The following TRPM2 variants were observed in gnomAD, a reference collection of about 807,000 sequenced individuals.
TRPM2 encodes the protein estrogen-responsive element-associated gene 1 protein.
In TRPM2, 161 loss-of-function variants were observed where a neutral mutation model predicts 174.0. The ratio of observed to expected loss-of-function variants is 0.93; its 90% CI spans 0.81 to 1.05. TRPM2 has a LOEUF of 1.05. TRPM2 is among the 50% of genes least tolerant of loss of function. The probability of loss-of-function intolerance (pLI) is 0.00; values close to 1 mark genes in which losing one functional copy is unlikely to be tolerated. For synonymous variants in TRPM2, 954 were observed against 861.3 expected (o/e 1.11, Z -1.88); for missense variants, 2,057 against 2,038.0 (o/e 1.01, Z -0.18).
chr21:44,405,862 T>C, intron 17 of TRPM2, 43 bp from the exon 18 acceptor site: 1 of 1,588,474 alleles, frequency 6.3e-7, no homozygotes, highest in Non-Finnish European at 8.5e-7. Flanking sequence ...GGGGCTGCTG[T>C]GAGCAGGTGG....
At chr21:44,423,839 A>G (rs1286213710) in intron 23 of TRPM2, 107 bp downstream of exon 23, 1 of 953,774 alleles carries the variant, frequency 1.0e-6, no homozygotes, top group Non-Finnish European at 1.6e-6. Context: ...AGTGATGGTG[A>G]GGAGGAGGCC....
chr21:44,368,826 T>A (rs932676699), intron 4 of TRPM2, among the ~76,000 whole-genome samples: 10 of 152,040 alleles, frequency 6.6e-5, no homozygotes, highest in Admixed American at 6.6e-4. Flanking sequence ...AGGCTGAGTG[T>A]TGGGAGCGAG....
At position 44,401,719 on chromosome 21, in the gene TRPM2, G is replaced by C. The variant is rs147064850; in HGVS notation, c.2360G>C (p.Arg787Pro). The C allele has an allele frequency of 1.4e-5, 23 of 1,613,132 alleles. No individual in the cohort carries two copies. Among genetic ancestry groups the C allele is most frequent in the Non-Finnish European group, 1.6e-5 (19 of 1,179,904 alleles). The change falls in exon 16 of 32, where the codon CGC becomes CCC. Residue 787 changes from arginine to proline, a missense_variant. Arg to Pro is a moderately radical substitution (Grantham distance 103). Transcript: ENST00000397928. Reference protein sequence around the residue: ...RLQDVGTPAARARAFFTAPVV... With the variant: ...RLQDVGTPAAPARAFFTAPVV... ...CAGGATGTGGGCACCCCCGCGGCCC[G>C]CGCCCGTGCCTTCTTCACCGCACCC... is the stretch of plus-strand genomic sequence containing the variant.
chr21:44,408,275 C>T (rs754925701), intron 19 of TRPM2, among the ~76,000 whole-genome samples: 5 of 152,026 alleles, frequency 3.3e-5, no homozygotes, highest in East Asian at 1.9e-4. Flanking sequence ...CTGTGAATAA[C>T]GTAGCATGAA....
rs757074622 is a variant in TRPM2, at chr21:44,417,979, C to A, written c.3199C>A (p.Arg1067Ser). Residue 1067 changes from arginine (R) to serine (S), a missense_variant, in exon 21 of 32, where the codon CGC (arginine) becomes AGC (serine). Coordinates refer to ENST00000397928, the MANE Select transcript of TRPM2 (RefSeq NM_003307.4). ...EHTDQIWKFQ[R>S]HDLIEEYHGR... Reference sequence around the variant, plus strand: ...CACGGACCAGATTTGGAAGTTCCAGCGCCATGACCTGATCGAGGAGTACCA... The same window carrying A: ...CACGGACCAGATTTGGAAGTTCCAGAGCCATGACCTGATCGAGGAGTACCA... 1.2e-6 allele frequency: 2 copies of A among 1,612,866 alleles called. No homozygotes were observed. The highest frequency in any genetic ancestry group is 1.3e-5 in the African/African-American group (1 of 74,934).
Position 44,403,654 on chromosome 21 carries a change from CACACACATGCAT to C in TRPM2, c.2539-1470_2539-1459del, listed in dbSNP as rs1181487116. Among the ~76,000 whole-genome samples, 979 of 150,768 alleles carry C rather than the reference CACACACATGCAT, an allele frequency of 6.5e-3. 10 individuals carry two copies. Among genetic ancestry groups the C allele is most frequent in the African/African-American group, 0.023 (913 of 40,380 alleles). ...ATATGTATACACACATGCACACATG[CACACACATGCAT>C]ACACACATGCATACACATACATGCA... On this transcript the variant is annotated intron_variant, in intron 16 of 31. Transcript: ENST00000397928.
intron 2 of TRPM2, among the ~76,000 whole-genome samples, chr21:44,362,469 C>T (rs577274760): frequency 6.7e-6 from 1 of 150,302 alleles, no homozygotes. Flanking sequence ...CAAAGATCGG[C>T]GCCACTGCAC....
At chr21:44,414,353 G>A (rs998094391) in intron 20 of TRPM2, among the ~76,000 whole-genome samples, 1 of 152,236 alleles carries the variant, frequency 6.6e-6, no homozygotes, top group Non-Finnish European at 1.5e-5. Flanking sequence ...CCCTGCTCAC[G>A]GTGCTGCTGC....
intron 23 of TRPM2, among the ~76,000 whole-genome samples, chr21:44,424,386 G>A (rs1438038139): frequency 6.6e-6 from 1 of 152,226 alleles, no homozygotes; most frequent in Non-Finnish European, 1.5e-5. Flanking sequence ...AGGGTGCCCA[G>A]CACTGAGCCA....
At chr21:44,386,882 G>A (rs1437232684) in intron 9 of TRPM2, among the ~76,000 whole-genome samples, 5 of 152,098 alleles carry the variant, frequency 3.3e-5, no homozygotes, top group South Asian at 4.1e-4. Flanking sequence ...AAACAGTGTG[G>A]TAATGGTGTA....
At chr21:44,422,518 A>G (rs995367421) in intron 22 of TRPM2, 12 of 1,439,762 alleles carry the variant, frequency 8.3e-6, no homozygotes, top group South Asian at 1.4e-5. Flanking sequence ...CTCTCCCTAG[A>G]TAACTGTTTA....
rs560955602 is a variant in TRPM2, at chr21:44,399,417, G to C, written c.2184G>C (p.Lys728Asn). 100 of 1,612,422 alleles carry C rather than the reference G, an allele frequency of 6.2e-5. 1 individual carries two copies. In the South Asian group the frequency reaches 1.1e-3, roughly 18 times the overall value. Residue 728 changes from lysine to asparagine, a missense_variant, in exon 14 of 32, where the codon AAG becomes AAC. By Grantham distance (94) the Lys-to-Asn change is moderately conservative. Coordinates refer to ENST00000397928, the MANE Select transcript of TRPM2 (RefSeq NM_003307.4). This position sits in a 1 kb window ranked among gnomAD's most constrained non-coding sequence, Gnocchi z 4.6. ...TCGCCCTGGAGGCCAAGGACATGAA[G>C]TTTGTGTCTCACGGGGGCATCCAGG... ...LQLALEAKDM[K>N]FVSHGGIQAF...
intron 2 of TRPM2, among the ~76,000 whole-genome samples, chr21:44,358,911 T>A (rs537139736): frequency 1.3e-5 from 2 of 152,066 alleles, no homozygotes; most frequent in African/African-American, 4.8e-5. Context: ...CAGCAAGATA[T>A]ATTGTGAAGA....
Position 44,391,297 on chromosome 21 carries a change from C to T in TRPM2, c.1466C>T (p.Thr489Ile). ...CCTTCAGATCTGCACCCCACGATGACAGCTGCACTCATCTCCAACAAGCCT... is the reference window on the plus strand; with the variant it reads ...CCTTCAGATCTGCACCCCACGATGATAGCTGCACTCATCTCCAACAAGCCT... The part of the protein sequence containing the change: ...WKPSDLHPTM[T>I]AALISNKPEF... Residue 489 changes from threonine to isoleucine, a missense_variant, in exon 11 of 32, where the codon ACA (threonine) becomes ATA (isoleucine). Coordinates refer to ENST00000397928, the MANE Select transcript of TRPM2 (RefSeq NM_003307.4). The surrounding 1 kb of genome is among the most constrained non-coding windows in gnomAD (Gnocchi z 5.0). 1 of 1,613,990 alleles carries T rather than the reference C, an allele frequency of 6.2e-7. No individual in the cohort carries two copies. The highest frequency in any genetic ancestry group is 8.5e-7 in the Non-Finnish European group (1 of 1,179,990).
chr21:44,393,464 C>T (rs1189151758), intron 11 of TRPM2, among the ~76,000 whole-genome samples: 2 of 152,134 alleles, frequency 1.3e-5, no homozygotes, highest in Non-Finnish European at 2.9e-5. Flanking sequence ...ATGTTTGCAT[C>T]AGAATGCTTA....
intron 2 of TRPM2, among the ~76,000 whole-genome samples, chr21:44,361,468 T>C (rs2048207368): frequency 6.6e-6 from 1 of 152,234 alleles, no homozygotes; most frequent in Admixed American, 6.5e-5. Context: ...CTTGCCTGTG[T>C]CATTACACTT....
intron 11 of TRPM2, among the ~76,000 whole-genome samples, chr21:44,393,898 G>A (rs1328949619): frequency 6.6e-6 from 1 of 151,994 alleles, no homozygotes; most frequent in Admixed American, 6.6e-5. Context: ...TTGAGACAAA[G>A]TTTTGCTCTT....
chr21:44,396,930 G>T (rs1383647566), intron 12 of TRPM2, among the ~76,000 whole-genome samples: 1 of 149,046 alleles, frequency 6.7e-6, no homozygotes, highest in South Asian at 2.1e-4. Flanking sequence ...GGGTGTGGGG[G>T]GTTGTGGAGG....
rs770603321 is a variant in TRPM2, at chr21:44,424,882, AT to A, written c.3581del (p.Ile1194ThrfsTer2). ...CCAGACAGCCCAAGCCCTGCACTGG[AT>A]CGTGAGGACGCTGCGGGCCAGCGGC... ...VAQTAQALHW[I>X]VRTLRASGFS... On this transcript the variant is annotated frameshift_variant, in exon 24 of 32. Transcript: ENST00000397928. LOFTEE classifies it high-confidence loss of function. The A allele has an allele frequency of 4.4e-6, 7 of 1,607,862 alleles. No individual in the cohort carries two copies. In the African/African-American group the frequency reaches 9.4e-5, roughly 21 times the overall value.
Sources: gnomAD v4.1 joint callset for allele counts (sites outside exome capture counted in the v4.1 genomes callset) on GRCh38, gnomAD v4.1.1 for gene constraint, Gnocchi (gnomAD v3.1) non-coding constraint, MANE v1.5 for transcripts, NCBI Gene and HGNC (gene_info 2026-07-23, HGNC 2026-07-21) for gene names.